The following LAMA2 variants were observed in gnomAD, a reference collection of about 807,000 sequenced individuals.
LAMA2 encodes laminin subunit alpha-2.
Under a neutral mutation model 364.8 loss-of-function variants are expected in LAMA2, and 269 were observed. The observed-to-expected ratio is 0.74, with a 90% CI of 0.67 to 0.82. LAMA2 has a LOEUF of 0.82. Among genes scored for constraint, LAMA2 ranks in the 40% least tolerant of loss-of-function variants. The pLI, the probability that LAMA2 is intolerant of heterozygous loss-of-function variation, is 0.00. For synonymous variants in LAMA2, 1,379 were observed against 1,370.6 expected, an observed-to-expected ratio of 1.01 and a Z score of -0.14; for missense variants, 3,807 against 3,873.2, an observed-to-expected ratio of 0.98 and a Z score of 0.45.
At chr6:129,511,235 G>A (rs1230405739) in intron 62 of LAMA2, among the ~76,000 whole-genome samples, 3 of 152,070 alleles carry the variant, frequency 2.0e-5, no homozygotes, top group African/African-American at 4.8e-5. Context: ...GTTCTTAAAA[G>A]TTTTCCAGCG....
At chr6:129,451,375 T>C (rs1383860354) in intron 45 of LAMA2, among the ~76,000 whole-genome samples, 1 of 152,186 alleles carries the variant, frequency 6.6e-6, no homozygotes, top group Non-Finnish European at 1.5e-5. Flanking sequence ...CCCTGAGTCC[T>C]GCACCCAGCA....
chr6:129,264,963 G>A (rs1787404068), intron 15 of LAMA2, among the ~76,000 whole-genome samples: 2 of 152,250 alleles, frequency 1.3e-5, no homozygotes, highest in South Asian at 4.1e-4. Context: ...GACTAGAAAA[G>A]TTATATGAGG....
intron 40 of LAMA2, among the ~76,000 whole-genome samples, chr6:129,409,379 G>T (rs4406256): frequency 6.6e-6 from 1 of 151,946 alleles, no homozygotes; most frequent in African/African-American, 2.4e-5. Context: ...GGCCATGGGC[G>T]TTTGAGCCAC....
At chr6:129,073,016 C>A (rs1018244261) in intron 3 of LAMA2, among the ~76,000 whole-genome samples, 1 of 151,966 alleles carries the variant, frequency 6.6e-6, no homozygotes, top group African/African-American at 2.4e-5. Flanking sequence ...TATCCCATTT[C>A]TTTTCTGCCT....
At chr6:129,299,091 C>T (rs1025346795) in intron 21 of LAMA2, among the ~76,000 whole-genome samples, 3 of 151,636 alleles carry the variant, frequency 2.0e-5, no homozygotes, top group African/African-American at 7.3e-5. Context: ...AGAAAGATGA[C>T]AGCATTTAAT....
At chr6:129,120,249 G>A (rs929971133) in intron 4 of LAMA2, among the ~76,000 whole-genome samples, 1 of 151,982 alleles carries the variant, frequency 6.6e-6, no homozygotes, top group African/African-American at 2.4e-5. Context: ...ATAAGATAAG[G>A]CTAAAATTGA....
In LAMA2 at chr6:129,250,149, C is replaced by T. The variant is rs558018507; in HGVS notation, c.1820C>T (p.Ser607Leu). Residue 607 changes from serine (S) to leucine (L), a missense_variant, in exon 13 of 65, where the codon TCA (serine) becomes TTA (leucine). Physicochemically the swap from Ser to Leu is moderately radical, Grantham distance 145. Transcript: ENST00000421865. ...GGAGGACAGTTGACATTTACCATATCATATGACCTTGAAGAAGAGGAAGAA... is the reference window on the plus strand; with the variant it reads ...GGAGGACAGTTGACATTTACCATATTATATGACCTTGAAGAAGAGGAAGAA... ...AVGGQLTFTI[S>L]YDLEEEEEDT... 3.7e-6 allele frequency: 6 copies of T among 1,609,650 alleles called. No individual in the cohort carries two copies. The East Asian group carries it at 1.3e-4, about 36-fold the overall frequency.
At chr6:128,909,391 T>G (rs1317524846) in intron 1 of LAMA2, among the ~76,000 whole-genome samples, 1 of 151,824 alleles carries the variant, frequency 6.6e-6, no homozygotes, top group Non-Finnish European at 1.5e-5. Context: ...CATTATGTAA[T>G]GGCCTTCTTT....
At chr6:129,343,502 G>T (rs902545075) in intron 30 of LAMA2, among the ~76,000 whole-genome samples, 3 of 152,072 alleles carry the variant, frequency 2.0e-5, no homozygotes, top group African/African-American at 7.2e-5. Flanking sequence ...AATATACATG[G>T]TCTTATTGTT....
chr6:129,481,543 C>A, intron 55 of LAMA2, 104 bp downstream of exon 55: 2 of 983,582 alleles, frequency 2.0e-6, no homozygotes, highest in Non-Finnish European at 3.3e-6. Context: ...CTGCTCTCAT[C>A]TTGGCTAGCA....
intron 1 of LAMA2, among the ~76,000 whole-genome samples, chr6:128,894,918 A>T (rs1286376533): frequency 1.3e-5 from 2 of 152,198 alleles, no homozygotes; most frequent in Non-Finnish European, 2.9e-5. Flanking sequence ...AGGATTTTTG[A>T]ACTTGTGTAC....
chr6:129,443,993 T>A (rs7769517), intron 44 of LAMA2, among the ~76,000 whole-genome samples: 3,855 of 152,170 alleles, frequency 0.025, 161 homozygotes, highest in African/African-American at 0.088. Context: ...ACAGAAAATA[T>A]TAGACCTGAT....
At chr6:128,971,437 G>A (rs545885315) in intron 1 of LAMA2, among the ~76,000 whole-genome samples, 1 of 152,284 alleles carries the variant, frequency 6.6e-6, no homozygotes, top group Admixed American at 6.5e-5. Context: ...AGGTGAATGT[G>A]GGAATATGGA....
chr6:129,228,442 G>C (rs984055718), intron 12 of LAMA2, among the ~76,000 whole-genome samples: 4 of 152,112 alleles, frequency 2.6e-5, no homozygotes, highest in Admixed American at 2.6e-4. Context: ...GCTGTAGACT[G>C]GAGCTGTTCC....
intron 1 of LAMA2, among the ~76,000 whole-genome samples, chr6:128,907,478 T>C (rs1777567656): frequency 6.6e-6 from 1 of 152,186 alleles, no homozygotes; most frequent in African/African-American, 2.4e-5. Context: ...TTTTGCACAT[T>C]GATTTTGTAT....
At chr6:128,984,886 G>A (rs1279857053) in intron 1 of LAMA2, among the ~76,000 whole-genome samples, 2 of 152,054 alleles carry the variant, frequency 1.3e-5, no homozygotes, top group Non-Finnish European at 2.9e-5. Flanking sequence ...GTTGAATCTG[G>A]ATAGGAAATA....
intron 12 of LAMA2, among the ~76,000 whole-genome samples, chr6:129,212,369 G>A (rs531406806): frequency 1.3e-5 from 2 of 152,292 alleles, no homozygotes; most frequent in Non-Finnish European, 2.9e-5. Flanking sequence ...TGTTCTTGTG[G>A]TTCCTCCATG....
chr6:129,370,040 T>C (rs763749104), intron 34 of LAMA2, 50 bp downstream of exon 34: 2 of 1,450,344 alleles, frequency 1.4e-6, no homozygotes, highest in South Asian at 1.1e-5. Context: ...ATTATGTCAA[T>C]GAAGGAAAAT....
chr6:129,236,259 C>A (rs1784974897), intron 12 of LAMA2, among the ~76,000 whole-genome samples: 1 of 152,078 alleles, frequency 6.6e-6, no homozygotes, highest in South Asian at 2.1e-4. Context: ...GTCCAAAGTT[C>A]TATTTCTGTG....
Sources: gnomAD v4.1 joint callset for allele counts (sites outside exome capture counted in the v4.1 genomes callset) on GRCh38, gnomAD v4.1.1 for gene constraint, MANE v1.5 for transcripts, NCBI Gene and HGNC (gene_info 2026-07-23, HGNC 2026-07-21) for gene names.